Variants in ANO6 observed in about 807,000 individuals in gnomAD.
ANO6 encodes the protein anoctamin 6, also known as anoctamin-6.
Under a neutral mutation model 117.5 loss-of-function variants are expected in ANO6, and 106 were observed. That is an observed-to-expected ratio of 0.90 (90% CI 0.77 to 1.06). ANO6 has a LOEUF of 1.06. Ranked by LOEUF, ANO6 falls within the 50% of genes least tolerant of loss-of-function variation. The pLI, the probability that ANO6 is intolerant of heterozygous loss-of-function variation, is 0.00. For missense variants in ANO6, 955 were observed against 1,121.1 expected (o/e 0.85, Z 2.12); for synonymous variants, 367 against 385.1 (o/e 0.95, Z 0.55).
chr12:45,221,130 C>T (rs901510874), intron 1 of ANO6, among the ~76,000 whole-genome samples: 1 of 152,078 alleles, frequency 6.6e-6, no homozygotes, highest in Non-Finnish European at 1.5e-5. Context: ...GGATAGTATC[C>T]GAATTGAGTT....
chr12:45,344,759 G>T (rs1241549989), intron 3 of ANO6, among the ~76,000 whole-genome samples: 1 of 152,142 alleles, frequency 6.6e-6, no homozygotes, highest in Non-Finnish European at 1.5e-5. Flanking sequence ...TCAGAAATAA[G>T]GACTGGGCTC....
At chr12:45,433,950 A>G (rs1363537708), downstream of ANO6, among the ~76,000 whole-genome samples, 3 of 152,244 alleles carry the variant, frequency 2.0e-5, no homozygotes, top group East Asian at 3.8e-4. Context: ...TCCATTTCCC[A>G]GCAGAAAACA....
chr12:45,390,970 A>T (rs1942433812), intron 12 of ANO6, among the ~76,000 whole-genome samples: 3 of 152,052 alleles, frequency 2.0e-5, no homozygotes. Flanking sequence ...AAAATACAAA[A>T]ATTAGCCAGG....
chr12:45,401,089 C>G (rs1180314507), intron 12 of ANO6, among the ~76,000 whole-genome samples: 2 of 152,164 alleles, frequency 1.3e-5, no homozygotes, highest in Non-Finnish European at 2.9e-5. Flanking sequence ...AATACAAGTA[C>G]AAATGACTGC....
intron 2 of ANO6, among the ~76,000 whole-genome samples, chr12:45,312,467 A>G (rs1354387774): frequency 6.6e-6 from 1 of 152,100 alleles, no homozygotes; most frequent in Non-Finnish European, 1.5e-5. Flanking sequence ...GTGGGATTTC[A>G]GCTTCTGCCA....
At chr12:45,250,929 T>G (rs1381350418) in intron 1 of ANO6, among the ~76,000 whole-genome samples, 2 of 151,984 alleles carry the variant, frequency 1.3e-5, no homozygotes, top group African/African-American at 2.4e-5. Flanking sequence ...CAAAATAGGC[T>G]GGGCATGATG....
intron 1 of ANO6, among the ~76,000 whole-genome samples, chr12:45,241,272 C>G (rs774269340): frequency 6.6e-6 from 1 of 152,146 alleles, no homozygotes; most frequent in Non-Finnish European, 1.5e-5. Flanking sequence ...TTTCTCTAAT[C>G]TTGTCTTCTT....
intron 19 of ANO6, among the ~76,000 whole-genome samples, chr12:45,424,888 A>C (rs976897100): frequency 1.5e-4 from 23 of 152,292 alleles, no homozygotes; most frequent in Middle Eastern, 3.4e-3. Context: ...GGTTTTTCTC[A>C]GATCAAGCTA....
intron 1 of ANO6, among the ~76,000 whole-genome samples, chr12:45,218,856 G>T (rs1947354842): frequency 1.3e-5 from 2 of 152,284 alleles, no homozygotes; most frequent in African/African-American, 4.8e-5. Context: ...GTCACTGTCA[G>T]TAGTTGTATA....
intron 1 of ANO6, among the ~76,000 whole-genome samples, chr12:45,285,748 GA>G (rs901244074): frequency 1.3e-5 from 2 of 149,538 alleles, no homozygotes; most frequent in African/African-American, 2.5e-5. Flanking sequence ...AAAAGAAAAA[GA>G]AAAAAAAAGG....
At chr12:45,246,655 T>C (rs535665317) in intron 1 of ANO6, among the ~76,000 whole-genome samples, 12 of 152,220 alleles carry the variant, frequency 7.9e-5, no homozygotes, top group East Asian at 7.7e-4. Context: ...TCCCTGAAAA[T>C]GTTTACAAGT....
intron 1 of ANO6, among the ~76,000 whole-genome samples, chr12:45,219,498 G>A (rs544704880): frequency 1.4e-5 from 2 of 145,832 alleles, no homozygotes; most frequent in South Asian, 2.2e-4. Context: ...CACCATGCCT[G>A]GCCAATTTTT....
At chr12:45,319,101 C>T (rs1321816789) in intron 2 of ANO6, among the ~76,000 whole-genome samples, 1 of 152,138 alleles carries the variant, frequency 6.6e-6, no homozygotes, top group Non-Finnish European at 1.5e-5. Flanking sequence ...ATTGAATGTC[C>T]TTTATTTCTT....
chr12:45,304,928 A>G (rs1373676530), intron 2 of ANO6, among the ~76,000 whole-genome samples: 2 of 152,148 alleles, frequency 1.3e-5, no homozygotes, highest in East Asian at 3.9e-4. Flanking sequence ...TGGCCTGGAG[A>G]CCACAGCCTA....
In ANO6 at chr12:45,226,984, C is replaced by CTTTTTTTT. The variant is rs906373347; in HGVS notation, c.70+10607_70+10614dup. Among the ~76,000 whole-genome samples, 14 of 112,760 alleles carry CTTTTTTTT rather than the reference C, an allele frequency of 1.2e-4. 1 individual carries two copies. The highest frequency in any genetic ancestry group is 2.4e-4 in the African/African-American group (7 of 29,114). The allele number at this position is 112,760 out of a possible 152,430, so 74.0% of individuals were successfully genotyped here. On this transcript the variant is annotated intron_variant, in intron 1 of 19. Coordinates refer to ENST00000320560, the MANE Select transcript of ANO6 (RefSeq NM_001025356.3). ...AAAAATTAACAAAAATTATCATTTT[C>CTTTTTTTT]TTTTTTTTTTTTTTTTTTTTTGAAG...
chr12:45,369,697 A>G (rs2137513601), intron 9 of ANO6, among the ~76,000 whole-genome samples: 1 of 152,236 alleles, frequency 6.6e-6, no homozygotes, highest in African/African-American at 2.4e-5. Flanking sequence ...TCCTTCATAC[A>G]TTTATTTGTG....
chr12:45,354,189 C>T (rs545052072), intron 7 of ANO6, among the ~76,000 whole-genome samples: 2 of 152,156 alleles, frequency 1.3e-5, no homozygotes, highest in South Asian at 4.2e-4. Flanking sequence ...TCCAACACAG[C>T]AGCTCAGAAC....
Position 45,258,645 on chromosome 12 carries a change from T to TC in ANO6, c.70+42259dup, listed in dbSNP as rs560196740. ...TGTGATTCTGCTGCATGCCTTGCTG[T>TC]CCCCCTGCCAATAATGTCCCCACCT... is the stretch of plus-strand genomic sequence containing the variant. On this transcript the variant is annotated intron_variant, in intron 1 of 19. Coordinates refer to ENST00000320560, the MANE Select transcript of ANO6 (RefSeq NM_001025356.3). Among the ~76,000 whole-genome samples the TC allele has an allele frequency of 2.9e-3, 438 of 152,222 alleles. 3 individuals are homozygous for TC. The highest frequency in any genetic ancestry group is 0.01 in the African/African-American group (428 of 41,550).
At chr12:45,326,049 G>T (rs1396560457) in intron 2 of ANO6, among the ~76,000 whole-genome samples, 2 of 152,044 alleles carry the variant, frequency 1.3e-5, no homozygotes, top group African/African-American at 4.8e-5. Flanking sequence ...CTGCTTCCTT[G>T]GCATGAACTA....
Sources: gnomAD v4.1 joint callset for allele counts (sites outside exome capture counted in the v4.1 genomes callset) on GRCh38, gnomAD v4.1.1 for gene constraint, MANE v1.5 for transcripts, NCBI Gene and HGNC (gene_info 2026-07-23, HGNC 2026-07-21) for gene names.